ERN2: variants seen among roughly 807,000 people sequenced by gnomAD.
ERN2 encodes the protein endoplasmic reticulum to nucleus signaling 2.
In ERN2, 111 loss-of-function variants were observed where a neutral mutation model predicts 107.9. That is an observed-to-expected ratio of 1.03 (90% CI 0.88 to 1.20). The LOEUF (loss-of-function observed/expected upper bound fraction) is 1.20, where lower values mean the gene tolerates loss of function less well. ERN2 is among the 50% of genes most tolerant of loss of function. The pLI is 0.00. For missense variants in ERN2, 1,225 were observed against 1,197.9 expected (o/e 1.02, Z -0.33); for synonymous variants, 524 against 501.7 (o/e 1.04, Z -0.59).
At chr16:23,691,921 A>G (rs1959612153) in intron 19 of ERN2, 42 bp downstream of exon 19, 1 of 1,598,842 alleles carries the variant, frequency 6.3e-7, no homozygotes, top group East Asian at 2.2e-5. Context: ...CAGGACCCAA[A>G]CTTAGGACTT....
At chr16:23,692,446 A>G (rs1427092145) in intron 17 of ERN2, 115 bp from the exon 18 acceptor site, 4 of 1,065,768 alleles carry the variant, frequency 3.8e-6, no homozygotes, top group Non-Finnish European at 5.5e-6. Flanking sequence ...ACTGGAACTC[A>G]AGATGCTTCC....
chr16:23,700,719 C>A lies in ERN2; in HGVS notation c.1360-15G>T, dbSNP rs770730759. ...TGCGGCTGTTGCTGTAACATGAGAG[C>A]CTAAGAGAGCTTTGTCCTGGCCACG... On this transcript the variant is annotated splice_polypyrimidine_tract_variant and intron_variant, in intron 12 of 21. Coordinates refer to ENST00000256797, the MANE Select transcript of ERN2 (RefSeq NM_033266.4). The A allele has an allele frequency of 1.6e-5, 26 of 1,606,044 alleles. No homozygotes were observed. The highest frequency in any genetic ancestry group is 1.7e-4 in the Middle Eastern group (1 of 5,952).
chr16:23,695,938 G>C lies in ERN2; in HGVS notation c.1566C>G (p.Pro522=). The change falls in exon 14 of 22, where the codon CCC becomes CCG. Residue 522 remains proline, a synonymous_variant. Transcript: ENST00000256797. The stretch of plus-strand genomic sequence containing the variant: ...CTGCCCCGCGGCCCAGCACGTCCTT[G>C]GGATTGAAGGAAATCTTCCCCACTA... ...LTVVGKISFN[P]KDVLGRGAGG... 6.2e-7 allele frequency: 1 copy of C among 1,614,176 alleles called. No individual in the cohort carries two copies. Among genetic ancestry groups the C allele is most frequent in the Non-Finnish European group, 8.5e-7 (1 of 1,180,006 alleles).
intron 1 of ERN2, 137 bp downstream of exon 1, chr16:23,712,958 C>T: frequency 3.1e-6 from 2 of 647,260 alleles, no homozygotes; most frequent in South Asian, 4.3e-5. Context: ...TCCGTTGGGG[C>T]CGAGTTGGGA....
At chr16:23,709,295 T>C (rs1189217995) in intron 4 of ERN2, 3 of 357,688 alleles carry the variant, frequency 8.4e-6, no homozygotes, top group Non-Finnish European at 1.7e-5. Flanking sequence ...AGATGCTGTC[T>C]TTAAAAAATT....
intron 6 of ERN2, 85 bp downstream of exon 6, chr16:23,706,669 T>G: frequency 1.0e-6 from 1 of 960,526 alleles, no homozygotes; most frequent in Non-Finnish European, 1.6e-6. Context: ...TGTCCTGAAT[T>G]CAACTTGGTT....
chr16:23,707,762 C>G (rs1042049706), intron 4 of ERN2, among the ~76,000 whole-genome samples: 1 of 152,104 alleles, frequency 6.6e-6, no homozygotes, highest in Non-Finnish European at 1.5e-5. Flanking sequence ...GCACACACAT[C>G]AAGTGGGGAG....
At position 23,694,441 on chromosome 16, in the gene ERN2, A is replaced by G. The variant is rs79566879; in HGVS notation, c.2100+287T>C. Among the ~76,000 whole-genome samples the G allele has an allele frequency of 4.8e-4, 73 of 152,310 alleles. No individual in the cohort carries two copies. The East Asian group carries it at 0.013, about 27-fold the overall frequency. On this transcript the variant is annotated intron_variant, in intron 17 of 21. Coordinates refer to ENST00000256797, the MANE Select transcript of ERN2 (RefSeq NM_033266.4). ...TGGGTGTTGTCCTGTCCTGTAAGAC[A>G]TTTAGCAGCATTTCCAGCAGATGCC...
chr16:23,701,216 G>A, intron 11 of ERN2, 102 bp from the exon 12 acceptor site: 1 of 1,239,372 alleles, frequency 8.1e-7, no homozygotes, highest in South Asian at 1.5e-5. Flanking sequence ...TGAAGGGGCA[G>A]TGAGTGGTCT....
At position 23,694,911 on chromosome 16, in the gene ERN2, C is replaced by G; in HGVS notation, c.1917G>C (p.Lys639Asn). Residue 639 changes from lysine to asparagine, a missense_variant, in exon 17 of 22, where the codon AAG becomes AAC. By Grantham distance (94) the Lys-to-Asn change is moderately conservative (BLOSUM62 0). Transcript: ENST00000256797. ...HSLHIVHRDLKPGNILITGPD... is the reference protein window; with the variant it reads ...HSLHIVHRDLNPGNILITGPD... ...GCCCGGTGATGAGAATATTTCCTGG[C>G]TTCAGGTCCCGGTGCACTGTGGGAG... 1 of 1,614,200 alleles carries G rather than the reference C, an allele frequency of 6.2e-7. No homozygotes were observed. The highest frequency in any genetic ancestry group is 2.2e-5 in the East Asian group (1 of 44,886).
intron 12 of ERN2, 76 bp downstream of exon 12, chr16:23,700,883 A>T: frequency 6.6e-7 from 1 of 1,526,428 alleles, no homozygotes; most frequent in Admixed American, 1.9e-5. Flanking sequence ...GTAGAGGGAG[A>T]GAGTTGCTGA....
Position 23,692,292 on chromosome 16 carries a change from A to G in ERN2, c.2140T>C (p.Tyr714His), listed in dbSNP as rs1959631186. 2 of 1,614,048 alleles carry G rather than the reference A, an allele frequency of 1.2e-6. No homozygotes were observed. Among genetic ancestry groups the G allele is most frequent in the Non-Finnish European group, 1.7e-6 (2 of 1,180,038 alleles). ...TGGCTGCCACCAGAAAGCACGTAGT[A>G]GAACACGCAGCCTGCAGAGAAGATG... ...VDIFSAGCVFYYVLSGGSHPF... is the reference protein window; with the variant it reads ...VDIFSAGCVFHYVLSGGSHPF... The change falls in exon 18 of 22, where the codon TAC becomes CAC. Residue 714 changes from tyrosine (Y) to histidine (H), a missense_variant. Tyr to His is a moderately conservative substitution (Grantham distance 83). Coordinates refer to ENST00000256797, the MANE Select transcript of ERN2 (RefSeq NM_033266.4).
chr16:23,702,484 T>C lies in ERN2; in HGVS notation c.987A>G (p.Thr329=). ...PADGPTTDEV[T]LQVSGEREGS... Reference sequence around the variant, plus strand: ...CCTCTCGCTCTCCTGAGACTTGGAGTGTCACCTCATCTGTGGTGGGGCCAT... The same window carrying C: ...CCTCTCGCTCTCCTGAGACTTGGAGCGTCACCTCATCTGTGGTGGGGCCAT... Residue 329 remains threonine (T), a synonymous_variant, in exon 10 of 22, where the codon ACA becomes ACG. Transcript: ENST00000256797. 1 of 1,613,506 alleles carries C rather than the reference T, an allele frequency of 6.2e-7. No homozygotes were observed. Among genetic ancestry groups the C allele is most frequent in the East Asian group, 2.2e-5 (1 of 44,870 alleles).
At chr16:23,707,959 G>T (rs1160330682) in intron 4 of ERN2, among the ~76,000 whole-genome samples, 1 of 152,306 alleles carries the variant, frequency 6.6e-6, no homozygotes, top group East Asian at 1.9e-4. Flanking sequence ...ACTTGTCTGG[G>T]TTATGTCTGT....
At chr16:23,693,199 TGAGAG>T (rs1959669906) in intron 17 of ERN2, among the ~76,000 whole-genome samples, 3 of 148,914 alleles carry the variant, frequency 2.0e-5, no homozygotes, top group Non-Finnish European at 3.0e-5. Context: ...GAGGCTGAGG[TGAGAG>T]GATCCCTTGA....
chr16:23,695,722 CAAAAA>C (rs57103138), intron 14 of ERN2, among the ~76,000 whole-genome samples, 167 bp downstream of exon 14: 17 of 37,388 alleles, frequency 4.5e-4, no homozygotes, highest in African/African-American at 1.6e-3. Context: ...GAGCAAGACT[CAAAAA>C]AAAAAAAAAA....
At chr16:23,697,608 G>A (rs765156630) in intron 13 of ERN2, among the ~76,000 whole-genome samples, 1 of 152,168 alleles carries the variant, frequency 6.6e-6, no homozygotes, top group Non-Finnish European at 1.5e-5. Context: ...CACCCTCGAA[G>A]AGACAGGCCA....
At chr16:23,702,723 GAA>G in intron 8 of ERN2, 21 bp from the exon 9 acceptor site, 1 of 1,602,816 alleles carries the variant, frequency 6.2e-7, no homozygotes, top group Non-Finnish European at 8.5e-7. Context: ...AGAAGAAAAA[GAA>G]GAGAAGAATG....
chr16:23,701,998 G>A (rs1960087872), intron 11 of ERN2, among the ~76,000 whole-genome samples, 154 bp downstream of exon 11: 1 of 152,098 alleles, frequency 6.6e-6, no homozygotes, highest in South Asian at 2.1e-4. Context: ...ACAACAAGTT[G>A]TGTTGTTCCC....
Sources: allele counts gnomAD v4.1 joint callset (sites outside exome capture counted in the v4.1 genomes callset), GRCh38; gene constraint gnomAD v4.1.1; transcripts MANE v1.5; gene names NCBI Gene and HGNC (gene_info 2026-07-23, HGNC 2026-07-21).